RNF152: variants seen among roughly 807,000 people sequenced by gnomAD.
RNF152 encodes E3 ubiquitin-protein ligase RNF152.
Under a neutral mutation model 12.7 loss-of-function variants are expected in RNF152, and 11 were observed. The observed-to-expected ratio is 0.86, with a 90% CI of 0.54 to 1.43. The LOEUF (loss-of-function observed/expected upper bound fraction) is 1.43. Ranked by LOEUF, RNF152 falls within the 40% of genes most tolerant of loss-of-function variation. The probability of loss-of-function intolerance (pLI) is 0.00; values close to 1 mark genes in which losing one functional copy is unlikely to be tolerated. For synonymous variants in RNF152, 113 were observed against 120.3 expected, an observed-to-expected ratio of 0.94 and a Z score of 0.40; for missense variants, 255 against 274.8, an observed-to-expected ratio of 0.93 and a Z score of 0.51.
chr18:61,881,806 A>C (rs768553870), intron 1 of RNF152, among the ~76,000 whole-genome samples: 2 of 152,246 alleles, frequency 1.3e-5, no homozygotes, highest in Non-Finnish European at 2.9e-5. Context: ...AAATAAGATG[A>C]AATAAATTTG....
Position 61,814,379 on chromosome 18 carries a change from T to C in RNF152, c.*1473A>G, listed in dbSNP as rs2144606583. On this transcript the variant is annotated 3_prime_UTR_variant, in exon 2 of 2. Transcript: ENST00000312828. ...AAAACAGTTATATTTATAAGTGGAG[T>C]CCTTGTCACATACCACTTGCTTCAT... The C allele has an allele frequency of 6.6e-6, 1 of 152,186 alleles. No homozygotes were observed. Among genetic ancestry groups the C allele is most frequent in the South Asian group, 2.1e-4 (1 of 4,826 alleles). 9.4% of individuals were successfully genotyped at this position (152,186 alleles called of 1,614,324 possible).
At chr18:61,827,679 TC>T (rs1255363980) in intron 1 of RNF152, among the ~76,000 whole-genome samples, 2 of 152,176 alleles carry the variant, frequency 1.3e-5, no homozygotes, top group African/African-American at 4.8e-5. Context: ...CTGCAGTTTC[TC>T]TACCTACCCT....
chr18:61,813,112 C>T lies in RNF152; in HGVS notation c.*2740G>A, dbSNP rs1908887303. The T allele has an allele frequency of 2.0e-5, 3 of 152,122 alleles. No homozygotes were observed. The South Asian group carries it at 6.2e-4, about 32-fold the overall frequency. The allele number at this position is 152,122 out of a possible 1,614,324, so 9.4% of individuals were successfully genotyped here. On this transcript the variant is annotated 3_prime_UTR_variant, in exon 2 of 2. Transcript: ENST00000312828. ...ATTAATGTGCAAGTATGAATCCTGGCCTCTTGTGTCAGTGGACTTTGGTCA... is the reference window on the plus strand; with the variant it reads ...ATTAATGTGCAAGTATGAATCCTGGTCTCTTGTGTCAGTGGACTTTGGTCA...
At position 61,835,620 on chromosome 18, in the gene RNF152, A is replaced by T. The variant is rs115498001; in HGVS notation, c.-135-19022T>A. 9.3e-3 allele frequency among the ~76,000 whole-genome samples: 1,418 copies of T among 152,320 alleles called. 19 individuals are homozygous for T. Among genetic ancestry groups the T allele is most frequent in the African/African-American group, 0.033 (1,353 of 41,560 alleles). On this transcript the variant is annotated intron_variant, in intron 1 of 1. Coordinates refer to ENST00000312828, the MANE Select transcript of RNF152 (RefSeq NM_173557.3). ...TATCAAAAATAATAAATTAAAAAGG[A>T]TAAACAAAATCAAACCCTAAAATTA...
In RNF152 at chr18:61,816,549, C is replaced by G. The variant is rs957228344; in HGVS notation, c.-86G>C. On this transcript the variant is annotated 5_prime_UTR_variant, in exon 2 of 2. Coordinates refer to ENST00000312828, the MANE Select transcript of RNF152 (RefSeq NM_173557.3). ...GCCACCGCCCTGTGTCTTTGCAGTG[C>G]AGGTAATGGCAAGCTCACAGGCATC... 2 of 1,450,864 alleles carry G rather than the reference C, an allele frequency of 1.4e-6. No individual in the cohort carries two copies. Among genetic ancestry groups the G allele is most frequent in the African/African-American group, 2.8e-5 (2 of 70,820 alleles). 89.9% of individuals were successfully genotyped at this position (1,450,864 alleles called of 1,614,324 possible).
intron 1 of RNF152, among the ~76,000 whole-genome samples, chr18:61,827,616 C>T (rs1909731864): frequency 6.6e-6 from 1 of 152,134 alleles, no homozygotes; most frequent in African/African-American, 2.4e-5. Context: ...TTAAGTAAGT[C>T]TATTCGAAAG....
Position 61,815,593 on chromosome 18 carries a change from A to T in RNF152, c.*259T>A, listed in dbSNP as rs1909026138. On this transcript the variant is annotated 3_prime_UTR_variant, in exon 2 of 2. Coordinates refer to ENST00000312828, the MANE Select transcript of RNF152 (RefSeq NM_173557.3). ...TTTGAAAAATCATAAATTACAGTCC[A>T]TTGAATACATGATTATGAGGATGCA... 1 of 469,968 alleles carries T rather than the reference A, an allele frequency of 2.1e-6. No homozygotes were observed. Among genetic ancestry groups the T allele is most frequent in the Non-Finnish European group, 3.8e-6 (1 of 261,614 alleles). The allele number at this position is 469,968 out of a possible 1,614,324, so 29.1% of individuals were successfully genotyped here. A position where few individuals can be genotyped will look rare whatever the true frequency, so the allele number is the denominator to read the frequency against.
chr18:61,879,832 G>A (rs892021441), intron 1 of RNF152, among the ~76,000 whole-genome samples: 11 of 151,918 alleles, frequency 7.2e-5, no homozygotes, highest in Non-Finnish European at 1.5e-5. Flanking sequence ...AGGTGTGGTG[G>A]CGCACGCCTG....
chr18:61,877,360 TAA>T (rs1287275131), intron 1 of RNF152, among the ~76,000 whole-genome samples: 4 of 152,200 alleles, frequency 2.6e-5, no homozygotes, highest in Non-Finnish European at 5.9e-5. Context: ...ACTAAGCATA[TAA>T]GAGTCCATTT....
At chr18:61,846,801 T>C (rs565322927) in intron 1 of RNF152, among the ~76,000 whole-genome samples, 3 of 152,276 alleles carry the variant, frequency 2.0e-5, no homozygotes, top group South Asian at 2.1e-4. Context: ...GACAATGCAA[T>C]GCACTGATAT....
chr18:61,839,779 C>T (rs1910366978), intron 1 of RNF152, among the ~76,000 whole-genome samples: 1 of 152,120 alleles, frequency 6.6e-6, no homozygotes, highest in South Asian at 2.1e-4. Context: ...CCTGTAGTCC[C>T]AGCTACTCGG....
chr18:61,858,190 T>C (rs1054623602), intron 1 of RNF152, among the ~76,000 whole-genome samples: 1 of 152,202 alleles, frequency 6.6e-6, no homozygotes, highest in Non-Finnish European at 1.5e-5. Flanking sequence ...CAGGTCCCAC[T>C]GACTGTGGGC....
intron 1 of RNF152, among the ~76,000 whole-genome samples, chr18:61,855,340 T>C (rs918706808): frequency 3.9e-5 from 6 of 152,248 alleles, no homozygotes; most frequent in African/African-American, 1.2e-4. Flanking sequence ...GATGATATCA[T>C]AGTGATGGCA....
chr18:61,831,823 C>T lies in RNF152; in HGVS notation c.-135-15225G>A, dbSNP rs35743888. 7.6e-3 allele frequency among the ~76,000 whole-genome samples: 1,161 copies of T among 152,124 alleles called. 7 individuals are homozygous for T. Among genetic ancestry groups the T allele is most frequent in the Non-Finnish European group, 0.012 (820 of 67,990 alleles). ...CTGTCAAATGGTAAAAACTTAAAGT[C>T]CTGTCATCAATAAGAAACAATTTAC... On this transcript the variant is annotated intron_variant, in intron 1 of 1. Coordinates refer to ENST00000312828, the MANE Select transcript of RNF152 (RefSeq NM_173557.3).
chr18:61,842,506 A>C (rs2144674027), intron 1 of RNF152, among the ~76,000 whole-genome samples: 1 of 152,308 alleles, frequency 6.6e-6, no homozygotes, highest in Admixed American at 6.5e-5. Context: ...TTTTCACAAA[A>C]GTTAGGACCT....
chr18:61,846,400 C>T (rs1040043968), intron 1 of RNF152, among the ~76,000 whole-genome samples: 48 of 152,276 alleles, frequency 3.2e-4, no homozygotes, highest in African/African-American at 1.0e-3. Context: ...TATGCAATCT[C>T]ATCTCATTCA....
intron 1 of RNF152, among the ~76,000 whole-genome samples, chr18:61,825,040 CA>C (rs1188035485): frequency 6.6e-6 from 1 of 152,166 alleles, no homozygotes; most frequent in Non-Finnish European, 1.5e-5. Context: ...AAATCAAGCA[CA>C]CAGGGAAAGC....
At chr18:61,875,738 T>C (rs944708540) in intron 1 of RNF152, among the ~76,000 whole-genome samples, 4 of 152,118 alleles carry the variant, frequency 2.6e-5, no homozygotes, top group Non-Finnish European at 5.9e-5. Context: ...TCAATTAATC[T>C]CCAAACTGCT....
At chr18:61,844,157 G>GA in intron 1 of RNF152, among the ~76,000 whole-genome samples, 1 of 68,122 alleles carries the variant, frequency 1.5e-5, no homozygotes, top group Non-Finnish European at 4.6e-5. Context: ...AGAAAAGGAA[G>GA]GAAGGGAGGA....
Sources: allele counts gnomAD v4.1 joint callset (sites outside exome capture counted in the v4.1 genomes callset), GRCh38; gene constraint gnomAD v4.1.1; transcripts MANE v1.5; gene names NCBI Gene and HGNC (gene_info 2026-07-23, HGNC 2026-07-21).